Variants in RORA observed in about 807,000 individuals in gnomAD.
The protein encoded by RORA is nuclear receptor ROR-alpha.
RORA carries 7 observed loss-of-function variants against 69.5 expected under a neutral mutation model. That is an observed-to-expected ratio of 0.10 (90% CI 0.06 to 0.19). The LOEUF is 0.19. RORA is among the 10% of genes least tolerant of loss of function. The pLI is 1.00. For missense variants in RORA, 457 were observed against 663.0 expected, an observed-to-expected ratio of 0.69 and a Z score of 3.41; for synonymous variants, 261 against 240.8, an observed-to-expected ratio of 1.08 and a Z score of -0.78.
At chr15:61,228,392 G>A (rs934654261) in intron 1 of RORA, among the ~76,000 whole-genome samples, 2 of 151,886 alleles carry the variant, frequency 1.3e-5, no homozygotes, top group African/African-American at 4.8e-5. Context: ...CAGCTCGCCC[G>A]CCCGCACCCC....
At chr15:60,783,991 C>G (rs2072299787) in intron 1 of RORA, among the ~76,000 whole-genome samples, 1 of 152,208 alleles carries the variant, frequency 6.6e-6, no homozygotes, top group Non-Finnish European at 1.5e-5. Flanking sequence ...CCTAGGGGAG[C>G]CATCCCTCCT....
intron 1 of RORA, among the ~76,000 whole-genome samples, chr15:60,845,417 C>T (rs1456709246): frequency 6.6e-6 from 1 of 152,132 alleles, no homozygotes; most frequent in Admixed American, 6.5e-5. Context: ...TATGGTTTCC[C>T]CCATCAGTTT....
In RORA at chr15:60,978,961, C is replaced by CTTTTTTTTTTTTTTTTT. The variant is rs543353825; in HGVS notation, c.166+250075_166+250091dup. On this transcript the variant is annotated intron_variant, in intron 1 of 10. Transcript: ENST00000335670. ...GAAGTGTGAGTCCTCCAACTTTGCT[C>CTTTTTTTTTTTTTTTTT]TTTTTTTTTTTTTTTTTTGAGACGG... Among the ~76,000 whole-genome samples, 166 of 95,132 alleles carry CTTTTTTTTTTTTTTTTT rather than the reference C, an allele frequency of 1.7e-3. 23 individuals are homozygous for CTTTTTTTTTTTTTTTTT. The highest frequency in any genetic ancestry group is 5.7e-3 in the African/African-American group (139 of 24,424). 62.4% of individuals were successfully genotyped at this position (95,132 alleles called of 152,430 possible).
intron 1 of RORA, among the ~76,000 whole-genome samples, chr15:60,995,736 G>C (rs1403741): frequency 0.2 from 30,015 of 152,216 alleles, 3,464 homozygotes; most frequent in Non-Finnish European, 0.26. Flanking sequence ...GACAGTGAAG[G>C]CTTCTTTGTA....
chr15:60,827,761 G>A (rs781194511), intron 1 of RORA, among the ~76,000 whole-genome samples: 7 of 152,188 alleles, frequency 4.6e-5, no homozygotes, highest in African/African-American at 1.4e-4. Context: ...TGTTTGCTCC[G>A]CGTGAGCCTG....
chr15:61,159,930 A>C (rs1383219251), intron 1 of RORA, among the ~76,000 whole-genome samples: 4 of 152,228 alleles, frequency 2.6e-5, no homozygotes, highest in African/African-American at 9.6e-5. Flanking sequence ...ATGATAAAAG[A>C]AAATTCCCAC....
chr15:60,623,715 G>T (rs1269814358), intron 2 of RORA, among the ~76,000 whole-genome samples: 3 of 152,290 alleles, frequency 2.0e-5, no homozygotes, highest in African/African-American at 7.2e-5. Context: ...GGGGATGAAA[G>T]CAGTATGATT....
chr15:61,097,740 T>C (rs1250262024), intron 1 of RORA, among the ~76,000 whole-genome samples: 2 of 152,060 alleles, frequency 1.3e-5, no homozygotes, highest in Non-Finnish European at 2.9e-5. Context: ...AAATCGTGAC[T>C]TCACCTGCCC....
chr15:60,794,984 G>A (rs188654378), intron 1 of RORA, among the ~76,000 whole-genome samples: 1 of 152,130 alleles, frequency 6.6e-6, no homozygotes, highest in Non-Finnish European at 1.5e-5. Flanking sequence ...CTGGACCTTA[G>A]TTGCTAAAAT....
chr15:60,502,968 T>C, intron 7 of RORA, 101 bp from the exon 8 acceptor site: 1 of 821,314 alleles, frequency 1.2e-6, no homozygotes, highest in Non-Finnish European at 2.2e-6. Flanking sequence ...AACAGCATGG[T>C]GGGTGTCGTG....
intron 2 of RORA, among the ~76,000 whole-genome samples, chr15:60,538,844 A>C (rs1216986111): frequency 1.3e-5 from 2 of 152,190 alleles, no homozygotes. Flanking sequence ...GACTCAAATG[A>C]GTCTATCAAA....
At chr15:61,116,574 C>T (rs1047892560) in intron 1 of RORA, among the ~76,000 whole-genome samples, 3 of 152,150 alleles carry the variant, frequency 2.0e-5, no homozygotes, top group Admixed American at 6.5e-5. Context: ...ATTACAAATG[C>T]CATTGAAATG....
chr15:60,523,976 A>G (rs2066263041), intron 3 of RORA, among the ~76,000 whole-genome samples: 1 of 152,184 alleles, frequency 6.6e-6, no homozygotes, highest in Non-Finnish European at 1.5e-5. Context: ...CACCCGACCT[A>G]GAAGAGAATG....
At chr15:61,142,983 C>T (rs2079314726) in intron 1 of RORA, among the ~76,000 whole-genome samples, 3 of 152,234 alleles carry the variant, frequency 2.0e-5, no homozygotes, top group South Asian at 4.1e-4. Context: ...TATAATTTTA[C>T]ACTTTCTAAT....
At chr15:61,083,372 T>C (rs755013702) in intron 1 of RORA, among the ~76,000 whole-genome samples, 6 of 152,162 alleles carry the variant, frequency 3.9e-5, no homozygotes, top group African/African-American at 1.2e-4. Context: ...AGGAGACCCA[T>C]TCCTTTAGAT....
chr15:60,898,536 T>C (rs1167653292), intron 1 of RORA, among the ~76,000 whole-genome samples: 1 of 150,838 alleles, frequency 6.6e-6, no homozygotes, highest in African/African-American at 2.4e-5. Flanking sequence ...AATAAATAAA[T>C]AAATAAATTT....
chr15:60,696,703 C>T (rs1396192554), intron 1 of RORA, among the ~76,000 whole-genome samples: 1 of 152,190 alleles, frequency 6.6e-6, no homozygotes, highest in Non-Finnish European at 1.5e-5. Context: ...TTGCTTGCTG[C>T]CTTTGACCCA....
At chr15:61,038,678 AT>A (rs1183495736) in intron 1 of RORA, 4 of 152,264 alleles carry the variant, frequency 2.6e-5, no homozygotes, top group African/African-American at 9.6e-5. Context: ...TGCTAAGGCA[AT>A]AAACAGTCCA....
chr15:60,856,703 A>G (rs2073384346), intron 1 of RORA, among the ~76,000 whole-genome samples: 1 of 152,224 alleles, frequency 6.6e-6, no homozygotes, highest in Non-Finnish European at 1.5e-5. Flanking sequence ...TTTAATTCAA[A>G]TAGAGCAAGA....
Sources: allele counts gnomAD v4.1 joint callset (sites outside exome capture counted in the v4.1 genomes callset), GRCh38; gene constraint gnomAD v4.1.1; transcripts MANE v1.5; gene names NCBI Gene and HGNC (gene_info 2026-07-23, HGNC 2026-07-21).